Variants in VWA5B1 observed in about 807,000 individuals in gnomAD.
VWA5B1 encodes the protein von Willebrand factor A domain containing 5B1.
In VWA5B1, 115 loss-of-function variants were observed where a neutral mutation model predicts 118.2. The ratio of observed to expected loss-of-function variants is 0.97; its 90% CI spans 0.84 to 1.14. The LOEUF is 1.14. VWA5B1 is among the 50% of genes most tolerant of loss of function. The pLI, the probability that VWA5B1 is intolerant of heterozygous loss-of-function variation, is 0.00. For missense variants in VWA5B1, 1,596 were observed against 1,603.8 expected (o/e 1.00, Z 0.08); for synonymous variants, 682 against 658.4 (o/e 1.04, Z -0.55).
Position 20,357,071 on chromosome 1 carries a change from G to A in VWA5B1, c.*2808G>A, listed in dbSNP as rs1287705624. Among the ~76,000 whole-genome samples the A allele has an allele frequency of 1.3e-5, 2 of 152,138 alleles. No individual in the cohort carries two copies. The highest frequency in any genetic ancestry group is 4.8e-5 in the African/African-American group (2 of 41,424). ...TGCTAAACCAGCCCTTGCTTTCTAG[G>A]TCATACAAAGGAATATTTATGCCCT... On this transcript the variant is annotated 3_prime_UTR_variant, in exon 22 of 22. Coordinates refer to ENST00000289815, the MANE Select transcript of VWA5B1 (RefSeq NM_001039500.3).
intron 7 of VWA5B1, among the ~76,000 whole-genome samples, chr1:20,320,308 G>T (rs2089167053): frequency 6.6e-6 from 1 of 152,236 alleles, no homozygotes; most frequent in Non-Finnish European, 1.5e-5. Context: ...ATTCTGTGGG[G>T]CAGTTGAGCT....
chr1:20,310,500 G>A, intron 1 of VWA5B1, 76 bp from the exon 2 acceptor site: 1 of 1,350,986 alleles, frequency 7.4e-7, no homozygotes, highest in Non-Finnish European at 9.7e-7. Flanking sequence ...GCTTGAGGGT[G>A]TCTGAAACGG....
chr1:20,352,283 G>A, intron 21 of VWA5B1, 111 bp downstream of exon 21: 1 of 833,102 alleles, frequency 1.2e-6, no homozygotes, highest in South Asian at 1.9e-5. Flanking sequence ...GAAGGCTTTG[G>A]TCTTAGAGCT....
chr1:20,340,771 C>T (rs1465463040), intron 14 of VWA5B1, among the ~76,000 whole-genome samples: 2 of 152,170 alleles, frequency 1.3e-5, no homozygotes. Context: ...TAAAAGGCCC[C>T]CTGTCCTATT....
At chr1:20,332,705 G>T in intron 11 of VWA5B1, 61 bp from the exon 12 acceptor site, 1 of 1,513,250 alleles carries the variant, frequency 6.6e-7, no homozygotes, top group South Asian at 1.3e-5. Context: ...ATACTTACAT[G>T]ATCTTCTGTA....
intron 7 of VWA5B1, 128 bp from the exon 8 acceptor site, chr1:20,323,228 G>A (rs1229593277): frequency 2.3e-6 from 2 of 886,186 alleles, no homozygotes; most frequent in Non-Finnish European, 3.1e-6. Flanking sequence ...AGCACAGTCA[G>A]CCCGGAAGTC....
At chr1:20,312,094 G>A (rs1373718463) in intron 2 of VWA5B1, among the ~76,000 whole-genome samples, 1 of 152,146 alleles carries the variant, frequency 6.6e-6, no homozygotes, top group Non-Finnish European at 1.5e-5. Flanking sequence ...AATATTAAGA[G>A]GGTAGATAAA....
chr1:20,349,731 CT>C (rs35309990), intron 18 of VWA5B1, among the ~76,000 whole-genome samples: 18,145 of 111,638 alleles, frequency 0.16, 1,162 homozygotes, highest in African/African-American at 0.28. Context: ...ACATTCCTGA[CT>C]TTTTTTTTTT....
chr1:20,321,129 A>C (rs1217592946), intron 7 of VWA5B1, among the ~76,000 whole-genome samples: 2 of 150,802 alleles, frequency 1.3e-5, no homozygotes, highest in Admixed American at 6.6e-5. Context: ...AAAAAAAAAA[A>C]CACGAAAAGA....
Position 20,353,788 on chromosome 1 carries a change from T to C in VWA5B1, c.3173T>C (p.Leu1058Pro), listed in dbSNP as rs1341034806. 1 of 1,469,354 alleles carries C rather than the reference T, an allele frequency of 6.8e-7. No individual in the cohort carries two copies. The highest frequency in any genetic ancestry group is 2.5e-5 in the East Asian group (1 of 40,280). The allele number at this position is 1,469,354 out of a possible 1,614,324, so 91.0% of individuals were successfully genotyped here. A position where few individuals can be genotyped will look rare whatever the true frequency, so the allele number is the denominator to read the frequency against. Reference sequence around the variant, plus strand: ...CTGCAGCTGGCCTCCGGAGCCTTCCTGCTCAACGAAGCCTTCTGTGAGGCC... The same window carrying C: ...CTGCAGCTGGCCTCCGGAGCCTTCCCGCTCAACGAAGCCTTCTGTGAGGCC... ...VSLQLASGAF[L>P]LNEAFCEATH... Residue 1058 changes from leucine (L) to proline (P), a missense_variant, in exon 22 of 22, where the codon CTG becomes CCG. Transcript: ENST00000289815.
At position 20,354,398 on chromosome 1, in the gene VWA5B1, G is replaced by T. The variant is rs933484651; in HGVS notation, c.*135G>T. ...TACTAGAAAGAGCCCTGGACTGGCAGCCAGGAGGCCTGAGTTCAATCCCAA... is the reference window on the plus strand; with the variant it reads ...TACTAGAAAGAGCCCTGGACTGGCATCCAGGAGGCCTGAGTTCAATCCCAA... On this transcript the variant is annotated 3_prime_UTR_variant, in exon 22 of 22. Coordinates refer to ENST00000289815, the MANE Select transcript of VWA5B1 (RefSeq NM_001039500.3). 8.6e-7 allele frequency: 1 copy of T among 1,167,978 alleles called. No individual in the cohort carries two copies. The allele number at this position is 1,167,978 out of a possible 1,614,324, so 72.4% of individuals were successfully genotyped here. A position where few individuals can be genotyped will look rare whatever the true frequency, so the allele number is the denominator to read the frequency against.
chr1:20,319,550 G>A (rs2089140737), intron 7 of VWA5B1, 44 bp downstream of exon 7: 2 of 1,548,726 alleles, frequency 1.3e-6, no homozygotes, highest in African/African-American at 1.4e-5. Context: ...CAGAGTTGGG[G>A]TGGCGCTGAG....
At chr1:20,317,033 G>A (rs1409880244) in intron 4 of VWA5B1, among the ~76,000 whole-genome samples, 3 of 151,742 alleles carry the variant, frequency 2.0e-5, no homozygotes, top group Non-Finnish European at 2.9e-5. Context: ...GCGGGCACCT[G>A]TAGTCCCAGC....
chr1:20,323,430 C>A lies in VWA5B1; in HGVS notation c.1041C>A (p.Asp347Glu), dbSNP rs888608402. The A allele has an allele frequency of 1.3e-6, 2 of 1,538,182 alleles. No individual in the cohort carries two copies. Among genetic ancestry groups the A allele is most frequent in the African/African-American group, 2.8e-5 (2 of 72,416 alleles). The stretch of plus-strand genomic sequence containing the variant: ...TCATCATGCTCAACTTCTGTCCCGA[C>A]CTCCAGTCAGTCCAGCCGTGCCTGA... ...HSVIMLNFCP[D>E]LQSVQPCLRK... The change falls in exon 8 of 22, where the codon GAC becomes GAA. Residue 347 changes from aspartate to glutamate, a missense_variant. Transcript: ENST00000289815.
At chr1:20,336,201 G>A in intron 12 of VWA5B1, 102 bp from the exon 13 acceptor site, 1 of 1,077,444 alleles carries the variant, frequency 9.3e-7, no homozygotes. Flanking sequence ...TTTCTTCAGA[G>A]ATGAAAACCG....
intron 7 of VWA5B1, 128 bp downstream of exon 7, chr1:20,319,634 C>A (rs2100874279): frequency 1.5e-6 from 2 of 1,376,942 alleles, no homozygotes; most frequent in East Asian, 5.0e-5. Context: ...GAGGCAGACA[C>A]CAGGCAAGAA....
In VWA5B1 at chr1:20,336,342, T is replaced by G. The variant is rs2089715570; in HGVS notation, c.1798T>G (p.Ser600Ala). The G allele has an allele frequency of 6.6e-7, 1 of 1,517,514 alleles. No individual in the cohort carries two copies. Among genetic ancestry groups the G allele is most frequent in the Non-Finnish European group, 8.9e-7 (1 of 1,129,218 alleles). The allele number at this position is 1,517,514 out of a possible 1,614,324, so 94.0% of individuals were successfully genotyped here. Residue 600 changes from serine to alanine, a missense_variant, in exon 13 of 22, where the codon TCT becomes GCT. Physicochemically the swap from Ser to Ala is moderately conservative, Grantham distance 99. Coordinates refer to ENST00000289815, the MANE Select transcript of VWA5B1 (RefSeq NM_001039500.3). ...GTACAGCATGCTGCACTCTCAGGAGTCTGGCAGCTCTGTCTTCTACCACTC... is the reference window on the plus strand; with the variant it reads ...GTACAGCATGCTGCACTCTCAGGAGGCTGGCAGCTCTGTCTTCTACCACTC... ...RRYSMLHSQE[S>A]GSSVFYHSQD...
intron 7 of VWA5B1, among the ~76,000 whole-genome samples, chr1:20,321,682 C>T (rs183961144): frequency 1.3e-3 from 197 of 151,322 alleles, no homozygotes; most frequent in African/African-American, 4.6e-3. Flanking sequence ...TTTAGCCGGG[C>T]GTCAGCAAAA....
chr1:20,333,481 GA>G (rs1224658764), intron 12 of VWA5B1, among the ~76,000 whole-genome samples: 6 of 152,138 alleles, frequency 3.9e-5, no homozygotes, highest in Admixed American at 6.5e-5. Flanking sequence ...CGTCTCAAAA[GA>G]AAAAAAGAAT....
Sources: allele counts gnomAD v4.1 joint callset (sites outside exome capture counted in the v4.1 genomes callset), GRCh38; gene constraint gnomAD v4.1.1; transcripts MANE v1.5; gene names NCBI Gene and HGNC (gene_info 2026-07-23, HGNC 2026-07-21).